LAMA2: variants seen among roughly 807,000 people sequenced by gnomAD.
LAMA2 encodes the protein laminin subunit alpha-2.
LAMA2 carries 269 observed loss-of-function variants against 364.8 expected under a neutral mutation model. The ratio of observed to expected loss-of-function variants is 0.74; its 90% confidence interval spans 0.67 to 0.82. LAMA2 has a LOEUF of 0.82. LAMA2 is among the 40% of genes least tolerant of loss of function. LAMA2 has a pLI of 0.00. For missense variants in LAMA2, 3,807 were observed against 3,873.2 expected (o/e 0.98, Z 0.45); for synonymous variants, 1,379 against 1,370.6 (o/e 1.01, Z -0.14).
At chr6:129,019,706 A>G (rs976050279) in intron 1 of LAMA2, among the ~76,000 whole-genome samples, 2 of 152,168 alleles carry the variant, frequency 1.3e-5, no homozygotes, top group Non-Finnish European at 2.9e-5. Flanking sequence ...TATTTACGCA[A>G]CAATCTACAT....
intron 1 of LAMA2, among the ~76,000 whole-genome samples, chr6:129,013,959 A>G (rs1457693794): frequency 6.6e-6 from 1 of 152,180 alleles, no homozygotes; most frequent in African/African-American, 2.4e-5. Context: ...AATCAATAGT[A>G]CTTATTAATG....
chr6:128,973,059 G>A (rs2114620893), intron 1 of LAMA2, among the ~76,000 whole-genome samples: 1 of 152,186 alleles, frequency 6.6e-6, no homozygotes, highest in Non-Finnish European at 1.5e-5. Flanking sequence ...TAATTTAAAA[G>A]CAGTTGCAAG....
intron 32 of LAMA2, among the ~76,000 whole-genome samples, chr6:129,359,033 T>G (rs1777309982): frequency 6.6e-6 from 1 of 151,970 alleles, no homozygotes; most frequent in South Asian, 2.1e-4. Context: ...ATATGAATGG[T>G]ACTTACCTCA....
At chr6:129,067,074 C>T (rs1789410866) in intron 3 of LAMA2, among the ~76,000 whole-genome samples, 1 of 152,194 alleles carries the variant, frequency 6.6e-6, no homozygotes, top group African/African-American at 2.4e-5. Context: ...AATGAGATTA[C>T]ATTAAACTGA....
Position 129,107,900 on chromosome 6 carries a change from A to G in LAMA2, c.639+9485A>G, listed in dbSNP as rs142518127. Among the ~76,000 whole-genome samples the G allele has an allele frequency of 8.5e-5, 13 of 152,248 alleles. No individual in the cohort carries two copies. In the East Asian group the frequency reaches 1.4e-3, roughly 16 times the overall value. ...TTTCCTGGAAAATCTGCTCTGCCCTATAAGCTCAGGAGTCCCCCCTCCTAG... is the reference window on the plus strand; with the variant it reads ...TTTCCTGGAAAATCTGCTCTGCCCTGTAAGCTCAGGAGTCCCCCCTCCTAG... On this transcript the variant is annotated intron_variant, in intron 4 of 64. Coordinates refer to ENST00000421865, the MANE Select transcript of LAMA2 (RefSeq NM_000426.4).
chr6:129,171,209 C>G (rs1269985890), intron 9 of LAMA2, among the ~76,000 whole-genome samples: 1 of 152,058 alleles, frequency 6.6e-6, no homozygotes, highest in Admixed American at 6.5e-5. Context: ...GAATTTGATC[C>G]TGTCATGATG....
chr6:128,960,078 G>A (rs1347349980), intron 1 of LAMA2, among the ~76,000 whole-genome samples: 3 of 151,908 alleles, frequency 2.0e-5, no homozygotes, highest in Admixed American at 1.3e-4. Context: ...TTATATATGT[G>A]ATCAGATTTT....
chr6:129,205,411 G>GA (rs1311377026), intron 12 of LAMA2, among the ~76,000 whole-genome samples: 16 of 138,744 alleles, frequency 1.2e-4, no homozygotes, highest in East Asian at 2.1e-4. Context: ...AAAGAAAAAA[G>GA]AAAAAAAAAT....
intron 28 of LAMA2, among the ~76,000 whole-genome samples, chr6:129,327,289 T>G (rs759319142): frequency 3.9e-5 from 6 of 152,178 alleles, no homozygotes; most frequent in Non-Finnish European, 7.3e-5. Context: ...GTCTCTGGAC[T>G]GTCTAGGCCA....
chr6:129,268,293 C>CT (rs1220435259), intron 16 of LAMA2, among the ~76,000 whole-genome samples: 1 of 151,966 alleles, frequency 6.6e-6, no homozygotes, highest in Non-Finnish European at 1.5e-5. Context: ...AATAGAAAGA[C>CT]TAAGTGATTT....
At chr6:129,318,033 C>G (rs996877578) in intron 27 of LAMA2, among the ~76,000 whole-genome samples, 5 of 151,888 alleles carry the variant, frequency 3.3e-5, no homozygotes, top group Non-Finnish European at 7.4e-5. Flanking sequence ...TCAGTAAAAA[C>G]TGGGGTCATA....
At chr6:129,383,027 G>C in intron 34 of LAMA2, 95 bp from the exon 35 acceptor site, 1 of 990,596 alleles carries the variant, frequency 1.0e-6, no homozygotes, top group Admixed American at 2.0e-5. Flanking sequence ...TTGGCTCAAA[G>C]TAATATTTGA....
At chr6:129,023,688 G>A (rs139191084) in intron 1 of LAMA2, among the ~76,000 whole-genome samples, 1 of 152,008 alleles carries the variant, frequency 6.6e-6, no homozygotes, top group Middle Eastern at 3.4e-3. Flanking sequence ...GTACCTTTCC[G>A]CCATGTTTCT....
chr6:129,329,017 C>T (rs532807979), intron 29 of LAMA2, among the ~76,000 whole-genome samples: 3 of 152,256 alleles, frequency 2.0e-5, no homozygotes, highest in Admixed American at 2.0e-4. Flanking sequence ...TTTCTGCTGG[C>T]ACCCTGCACT....
intron 1 of LAMA2, among the ~76,000 whole-genome samples, chr6:129,028,062 A>G (rs1252943293): frequency 6.6e-6 from 1 of 151,814 alleles, no homozygotes; most frequent in African/African-American, 2.4e-5. Context: ...AGAAATGGGG[A>G]TTTAGAGTAC....
chr6:129,098,530 A>C, intron 4 of LAMA2, 115 bp downstream of exon 4: 2 of 1,256,912 alleles, frequency 1.6e-6, no homozygotes, highest in Non-Finnish European at 2.3e-6. Flanking sequence ...AGGATTTAGC[A>C]AAAGTACATT....
At chr6:129,275,701 ATCTT>A (rs1788265559) in intron 17 of LAMA2, among the ~76,000 whole-genome samples, 1 of 143,064 alleles carries the variant, frequency 7.0e-6, no homozygotes, top group Non-Finnish European at 1.5e-5. Context: ...AAATCAACAT[ATCTT>A]ATTTTGTTTA....
chr6:128,912,761 G>A (rs181003713), intron 1 of LAMA2, among the ~76,000 whole-genome samples: 9 of 152,266 alleles, frequency 5.9e-5, no homozygotes, highest in Admixed American at 5.9e-4. Context: ...ATGTGGAAAG[G>A]GCTTTAAGAA....
intron 32 of LAMA2, among the ~76,000 whole-genome samples, chr6:129,356,722 C>T (rs1349859148): frequency 6.6e-6 from 1 of 152,042 alleles, no homozygotes; most frequent in East Asian, 1.9e-4. Flanking sequence ...AGAGCCCATT[C>T]TACCTCGATT....
Sources: gnomAD v4.1 joint callset for allele counts (sites outside exome capture counted in the v4.1 genomes callset) on GRCh38, gnomAD v4.1.1 for gene constraint, MANE v1.5 for transcripts, NCBI Gene and HGNC (gene_info 2026-07-23, HGNC 2026-07-21) for gene names.